SLIT3: variants seen among roughly 807,000 people sequenced by gnomAD.
SLIT3 encodes the protein slit guidance ligand 3.
A neutral mutation model predicts 184.0 loss-of-function variants in SLIT3; 68 were observed. That is an observed-to-expected ratio of 0.37 (90% CI 0.30 to 0.45). The LOEUF (loss-of-function observed/expected upper bound fraction) is 0.45, where lower values mean the gene tolerates loss of function less well. Among genes scored for constraint, SLIT3 ranks in the 20% least tolerant of loss-of-function variants. SLIT3 has a pLI of 1.00. For missense variants in SLIT3, 1,707 were observed against 2,026.0 expected (o/e 0.84, Z 3.02); for synonymous variants, 831 against 828.6 (o/e 1.00, Z -0.05).
intron 5 of SLIT3, among the ~76,000 whole-genome samples, chr5:168,865,670 G>T (rs1759272821): frequency 6.6e-6 from 1 of 152,196 alleles, no homozygotes; most frequent in Non-Finnish European, 1.5e-5. Context: ...TCATACAGAT[G>T]AAATGGATGC....
At chr5:168,896,398 G>A (rs769516462) in intron 4 of SLIT3, among the ~76,000 whole-genome samples, 1 of 152,134 alleles carries the variant, frequency 6.6e-6, no homozygotes, top group African/African-American at 2.4e-5. Context: ...GATAAGTACT[G>A]GTTCTTATCA....
intron 12 of SLIT3, among the ~76,000 whole-genome samples, chr5:168,785,640 C>T (rs1756125984): frequency 6.6e-6 from 1 of 152,194 alleles, no homozygotes; most frequent in African/African-American, 2.4e-5. Flanking sequence ...ATCCCCAGAC[C>T]CTGTGCTTAG....
intron 12 of SLIT3, among the ~76,000 whole-genome samples, chr5:168,782,041 T>C (rs1339888679): frequency 6.6e-6 from 1 of 152,206 alleles, no homozygotes; most frequent in African/African-American, 2.4e-5. Context: ...GCTGCTATTA[T>C]TAGCAGTAGT....
chr5:168,859,760 A>C (rs779930358), intron 5 of SLIT3, among the ~76,000 whole-genome samples: 1 of 152,136 alleles, frequency 6.6e-6, no homozygotes, highest in Non-Finnish European at 1.5e-5. Context: ...TTCAGAACAG[A>C]ATTCAGGGGT....
At chr5:168,906,529 A>G (rs1761057704) in intron 4 of SLIT3, among the ~76,000 whole-genome samples, 2 of 152,188 alleles carry the variant, frequency 1.3e-5, no homozygotes, top group Admixed American at 1.3e-4. Flanking sequence ...ATGACTGTGA[A>G]TTTGAATGCA....
At chr5:169,005,031 AG>A (rs1256922685) in intron 4 of SLIT3, among the ~76,000 whole-genome samples, 1 of 152,212 alleles carries the variant, frequency 6.6e-6, no homozygotes, top group East Asian at 1.9e-4. Flanking sequence ...GCATCAAGCA[AG>A]TCTATTGGTG....
intron 4 of SLIT3, among the ~76,000 whole-genome samples, chr5:169,092,159 G>A (rs1759613789): frequency 2.0e-5 from 3 of 152,182 alleles, no homozygotes; most frequent in Admixed American, 2.0e-4. Context: ...AGAGGTGGAG[G>A]TTGCAGTGAG....
In SLIT3 at chr5:169,097,716, G is replaced by A. The variant is rs1051777777; in HGVS notation, c.413+95763C>T. Among the ~76,000 whole-genome samples the A allele has an allele frequency of 3.3e-5, 5 of 152,198 alleles. No homozygotes were observed. The South Asian group carries it at 6.2e-4, about 19-fold the overall frequency. On this transcript the variant is annotated intron_variant, in intron 4 of 35. Transcript: ENST00000519560. ...GCAGTCAGGCGCAGCAGCAGTAGCA[G>A]GAGGGCTGTCAGGTTGGCACTGGTG...
At chr5:168,777,697 C>T (rs1429157088) in intron 12 of SLIT3, among the ~76,000 whole-genome samples, 1 of 152,210 alleles carries the variant, frequency 6.6e-6, no homozygotes, top group African/African-American at 2.4e-5. Context: ...CTCATTCTCT[C>T]CCAGGATGCT....
rs369053869 is a variant in SLIT3, at chr5:168,683,318, C to T, written c.3686+648G>A. ...CTGGGAGACAGAGGTTGCAGTGAGC[C>T]GAGATTGCTCCATTGCACTCCAGCC... On this transcript the variant is annotated intron_variant, in intron 32 of 35. Coordinates refer to ENST00000519560, the MANE Select transcript of SLIT3 (RefSeq NM_003062.4). 8.1e-5 allele frequency among the ~76,000 whole-genome samples: 12 copies of T among 148,274 alleles called. No individual in the cohort carries two copies. The South Asian group carries it at 2.3e-3, about 29-fold the overall frequency.
intron 20 of SLIT3, among the ~76,000 whole-genome samples, chr5:168,732,746 G>A (rs1763325362): frequency 6.6e-6 from 1 of 152,126 alleles, no homozygotes; most frequent in South Asian, 2.1e-4. Context: ...AAATGGTGCT[G>A]GGAAAATTGG....
intron 4 of SLIT3, among the ~76,000 whole-genome samples, chr5:169,025,743 G>T (rs778974319): frequency 2.0e-5 from 3 of 152,118 alleles, no homozygotes; most frequent in Non-Finnish European, 2.9e-5. Flanking sequence ...GTCAGGAAAA[G>T]AATTTCCAAT....
chr5:168,956,578 G>C (rs899191831), intron 4 of SLIT3, among the ~76,000 whole-genome samples: 9 of 151,710 alleles, frequency 5.9e-5, no homozygotes, highest in Non-Finnish European at 1.3e-4. Context: ...GGCAGATCAG[G>C]AGGTCAAGAG....
intron 5 of SLIT3, among the ~76,000 whole-genome samples, chr5:168,876,252 G>T (rs1044399886): frequency 1.6e-4 from 24 of 152,064 alleles, no homozygotes; most frequent in African/African-American, 5.8e-4. Flanking sequence ...CTGAACAACT[G>T]CACAAGTCTC....
intron 1 of SLIT3, among the ~76,000 whole-genome samples, chr5:169,280,611 G>T (rs1438848527): frequency 6.6e-6 from 1 of 152,134 alleles, no homozygotes; most frequent in East Asian, 1.9e-4. Context: ...TGACATGTGG[G>T]TTTCCTGGTG....
chr5:169,158,263 T>C (rs1456712786), intron 4 of SLIT3, among the ~76,000 whole-genome samples: 2 of 152,134 alleles, frequency 1.3e-5, no homozygotes, highest in Non-Finnish European at 2.9e-5. Context: ...GGAAAAAGAA[T>C]TCAAATGACT....
intron 6 of SLIT3, among the ~76,000 whole-genome samples, chr5:168,834,769 T>G (rs1259527054): frequency 6.7e-6 from 1 of 148,156 alleles, no homozygotes; most frequent in Non-Finnish European, 1.5e-5. Flanking sequence ...TTTCAAAGAT[T>G]TACTGCTAGA....
chr5:168,841,400 C>A (rs1309792085), intron 6 of SLIT3, among the ~76,000 whole-genome samples: 1 of 152,138 alleles, frequency 6.6e-6, no homozygotes, highest in African/African-American at 2.4e-5. Flanking sequence ...TATTCCTCCT[C>A]CGTAGTGGCA....
At chr5:168,701,746 C>T (rs1325831720) in intron 26 of SLIT3, among the ~76,000 whole-genome samples, 1 of 152,226 alleles carries the variant, frequency 6.6e-6, no homozygotes, top group African/African-American at 2.4e-5. Context: ...GTGACTGCTG[C>T]ATCCTTTCTG....
Sources: allele counts gnomAD v4.1 joint callset (sites outside exome capture counted in the v4.1 genomes callset), GRCh38; gene constraint gnomAD v4.1.1; transcripts MANE v1.5; gene names NCBI Gene and HGNC (gene_info 2026-07-23, HGNC 2026-07-21).